Variants in CNPY2 observed in about 807,000 individuals in gnomAD.
CNPY2 encodes protein canopy homolog 2.
A neutral mutation model predicts 25.5 loss-of-function variants in CNPY2; 19 were observed. The observed-to-expected ratio is 0.74, with a 90% CI of 0.52 to 1.09. The LOEUF (loss-of-function observed/expected upper bound fraction) is 1.09. Among genes scored for constraint, CNPY2 ranks in the 50% least tolerant of loss-of-function variants. The probability of loss-of-function intolerance (pLI) is 0.00; values close to 1 mark genes in which losing one functional copy is unlikely to be tolerated. For synonymous variants in CNPY2, 82 were observed against 85.0 expected (o/e 0.96, Z 0.19); for missense variants, 214 against 233.6 (o/e 0.92, Z 0.55).
At position 56,311,126 on chromosome 12, in the gene CNPY2, G is replaced by T. The variant is rs1245463511; in HGVS notation, c.409-72C>A. The T allele has an allele frequency of 3.1e-6, 5 of 1,602,160 alleles. No individual in the cohort carries two copies. In the Admixed American group the frequency reaches 5.0e-5, roughly 16 times the overall value. ...TCTTGCCTTCACTTCCAAAGAGGAG[G>T]ACAAGGATATCAGCCTAACTTTCTA... On this transcript the variant is annotated intron_variant, in intron 4 of 5. Transcript: ENST00000273308.
At chr12:56,311,608 T>C (rs1314680445) in intron 3 of CNPY2, 194 bp from the exon 4 acceptor site, 10 of 642,854 alleles carry the variant, frequency 1.6e-5, no homozygotes, top group Non-Finnish European at 2.8e-5. Flanking sequence ...CTGGAGTGCA[T>C]TGGCGCCATC....
Position 56,310,948 on chromosome 12 carries a change from G to C in CNPY2, c.505+10C>G, listed in dbSNP as rs1873696758. 6.2e-7 allele frequency: 1 copy of C among 1,612,160 alleles called. No individual in the cohort carries two copies. Among genetic ancestry groups the C allele is most frequent in the African/African-American group, 1.3e-5 (1 of 74,962 alleles). ...CTACTAGAACAGGAGATAAAGTGGG[G>C]GCAGCTTACCTGTTCGCTTACTGCA... On this transcript the variant is annotated intron_variant, in intron 5 of 5. Coordinates refer to ENST00000273308, the MANE Select transcript of CNPY2 (RefSeq NM_014255.7).
Position 56,311,126 on chromosome 12 carries a change from G to A in CNPY2, c.409-72C>T. Reference sequence around the variant, plus strand: ...TCTTGCCTTCACTTCCAAAGAGGAGGACAAGGATATCAGCCTAACTTTCTA... The same window carrying A: ...TCTTGCCTTCACTTCCAAAGAGGAGAACAAGGATATCAGCCTAACTTTCTA... On this transcript the variant is annotated intron_variant, in intron 4 of 5. Transcript: ENST00000273308. 4 of 1,602,278 alleles carry A rather than the reference G, an allele frequency of 2.5e-6. No individual in the cohort carries two copies. In the South Asian group the frequency reaches 3.3e-5, roughly 13 times the overall value.
chr12:56,311,211 C>T lies in CNPY2; in HGVS notation c.408G>A (p.Ala136=), dbSNP rs143405766. ...DSDISGTLKF[A]CESIVEEYED... ...CCAGCTACCGATTCCCATAGCTCAC[C>T]GCAAACTTGAGGGTGCCGCTAATAT... The change falls in exon 4 of 6, where the codon GCG becomes GCA. Residue 136 remains alanine (A), a splice_region_variant and synonymous_variant. Coordinates refer to ENST00000273308, the MANE Select transcript of CNPY2 (RefSeq NM_014255.7). 7.4e-6 allele frequency: 12 copies of T among 1,613,870 alleles called. No individual in the cohort carries two copies. Among genetic ancestry groups the T allele is most frequent in the African/African-American group, 4.0e-5 (3 of 74,916 alleles).
intron 3 of CNPY2, chr12:56,314,625 C>T (rs1257697764): frequency 1.9e-5 from 27 of 1,407,088 alleles, no homozygotes; most frequent in Non-Finnish European, 2.5e-5. Context: ...GATCAGGACT[C>T]CCTGTTTGCT....
At chr12:56,314,712 T>G in intron 3 of CNPY2, 139 bp downstream of exon 3, 1 of 1,518,436 alleles carries the variant, frequency 6.6e-7, no homozygotes, top group African/African-American at 1.4e-5. Flanking sequence ...GCCTGCAGCT[T>G]CTTCCAAATG....
At position 56,309,963 on chromosome 12, in the gene CNPY2, T is replaced by G. The variant is rs1479138871; in HGVS notation, c.*589A>C. ...GTCTGTCCCTATCCGATAAAGCCCT[T>G]ACTTTTCAGCTGAGTTGGTCACATC... is the stretch of plus-strand genomic sequence containing the variant. On this transcript the variant is annotated 3_prime_UTR_variant, in exon 6 of 6. Transcript: ENST00000273308. 1 of 702,380 alleles carries G rather than the reference T, an allele frequency of 1.4e-6. No individual in the cohort carries two copies. Among genetic ancestry groups the G allele is most frequent in the East Asian group, 2.7e-5 (1 of 37,286 alleles). The allele number at this position is 702,380 out of a possible 1,614,324, so 43.5% of individuals were successfully genotyped here.
At chr12:56,314,721 T>A in intron 3 of CNPY2, 130 bp downstream of exon 3, 1 of 1,533,396 alleles carries the variant, frequency 6.5e-7, no homozygotes, top group Non-Finnish European at 8.8e-7. Context: ...TTCTTCCAAA[T>A]GAGACAGAGC....
chr12:56,314,252 C>T (rs984811204), intron 3 of CNPY2, among the ~76,000 whole-genome samples: 1 of 152,068 alleles, frequency 6.6e-6, no homozygotes, highest in Non-Finnish European at 1.5e-5. Context: ...CTTACTGCAG[C>T]CTCGACCTCC....
rs373723874 is a variant in CNPY2, at chr12:56,311,363, A to C, written c.256T>G (p.Cys86Gly). The change falls in exon 4 of 6, where the codon TGT becomes GGT. Residue 86 changes from cysteine (C) to glycine (G), a missense_variant. Physicochemically the swap from Cys to Gly is radical, Grantham distance 159. Coordinates refer to ENST00000273308, the MANE Select transcript of CNPY2 (RefSeq NM_014255.7). Reference protein sequence around the residue: ...AHLTELLEEICDRMKEYGEQI... With the variant: ...AHLTELLEEIGDRMKEYGEQI... ...TCCCCATACTCCTTCATCCGGTCAC[A>C]TATCTCCTCCAGCAGCTCTGTGAGG... 9 of 1,614,156 alleles carry C rather than the reference A, an allele frequency of 5.6e-6. No individual in the cohort carries two copies. The highest frequency in any genetic ancestry group is 5.9e-6 in the Non-Finnish European group (7 of 1,180,036).
chr12:56,313,445 G>A (rs570010466), intron 3 of CNPY2, among the ~76,000 whole-genome samples: 280 of 152,088 alleles, frequency 1.8e-3, no homozygotes, highest in Non-Finnish European at 3.4e-3. Flanking sequence ...AGCCGAGATC[G>A]TGTCATTGCA....
intron 3 of CNPY2, among the ~76,000 whole-genome samples, chr12:56,313,719 G>A (rs1171427344): frequency 6.7e-6 from 1 of 148,526 alleles, no homozygotes; most frequent in East Asian, 2.0e-4. Context: ...CATTCTTTTC[G>A]TCTCAGCCTC....
At position 56,310,191 on chromosome 12, in the gene CNPY2, C is replaced by T. The variant is rs1363481477; in HGVS notation, c.*361G>A. The T allele has an allele frequency of 3.3e-6, 2 of 604,950 alleles. No homozygotes were observed. Among genetic ancestry groups the T allele is most frequent in the Non-Finnish European group, 5.8e-6 (2 of 342,194 alleles). The allele number at this position is 604,950 out of a possible 1,614,324, so 37.5% of individuals were successfully genotyped here. A position where few individuals can be genotyped will look rare whatever the true frequency, so the allele number is the denominator to read the frequency against. On this transcript the variant is annotated 3_prime_UTR_variant, in exon 6 of 6. Transcript: ENST00000273308. Reference sequence around the variant, plus strand: ...GCTTCCTCATGGAGGTTCCTCTATTCTCCACAATTAGACTCTAAAGACGTG... The same window carrying T: ...GCTTCCTCATGGAGGTTCCTCTATTTTCCACAATTAGACTCTAAAGACGTG...
rs1294202649 is a variant in CNPY2 at position 56,315,175 on chromosome 12, G to A, written c.43C>T (p.Leu15=). Residue 15 remains leucine (L), a synonymous_variant, in exon 2 of 6, where the codon CTG becomes TTG. Coordinates refer to ENST00000273308, the MANE Select transcript of CNPY2 (RefSeq NM_014255.7). ...CTCCTCCGAGCCCAGGCGGTTCCCA[G>A]CAGGGCCCCCAGAAGCAGGGCCAGC... ...GWLALLLGAL[L]GTAWARRSQD... 1.2e-6 allele frequency: 2 copies of A among 1,614,100 alleles called. No individual in the cohort carries two copies. Among genetic ancestry groups the A allele is most frequent in the South Asian group, 2.2e-5 (2 of 91,084 alleles).
Position 56,310,265 on chromosome 12 carries a change from G to A in CNPY2, c.*287C>T. 1.7e-6 allele frequency: 1 copy of A among 596,854 alleles called. No homozygotes were observed. 37.0% of individuals were successfully genotyped at this position (596,854 alleles called of 1,614,324 possible). ...AGCTTATCTAGTTTATGAGTGGAGT[G>A]GAATCTCAGAAGGTAGAAGAATTAA... On this transcript the variant is annotated 3_prime_UTR_variant, in exon 6 of 6. Coordinates refer to ENST00000273308, the MANE Select transcript of CNPY2 (RefSeq NM_014255.7).
At chr12:56,311,437 G>T (rs1316066096) in intron 3 of CNPY2, 23 bp from the exon 4 acceptor site, 1 of 1,610,782 alleles carries the variant, frequency 6.2e-7, no homozygotes, top group South Asian at 1.1e-5. Context: ...TCAGCCTTGG[G>T]TCACTCTCTT....
At chr12:56,311,632 A>G in intron 3 of CNPY2, 1 of 542,552 alleles carries the variant, frequency 1.8e-6, no homozygotes, top group South Asian at 1.8e-5. Flanking sequence ...GCTTATTGCA[A>G]CCTCTGCCTC....
chr12:56,316,041 C>A (rs1025611069), upstream of CNPY2: 2 of 152,492 alleles, frequency 1.3e-5, no homozygotes, highest in African/African-American at 4.8e-5. Flanking sequence ...CAGCGTGCTG[C>A]GGTGCGAGCC....
chr12:56,310,581 C>A lies in CNPY2; in HGVS notation c.520G>T (p.Ala174Ser). The change falls in exon 6 of 6, where the codon GCC becomes TCC. Residue 174 changes from alanine (A) to serine (S), a missense_variant. Ala to Ser is a moderately conservative substitution (Grantham distance 99, BLOSUM62 1). Transcript: ENST00000273308. ...CSKRTDLCDH[A>S]LHISHDEL is the part of the protein sequence containing the mutation. ...AGCTCATCATGCGATATGTGCAGGG[C>A]ATGGTCACAAAGATCTGCAAATGGC... The A allele has an allele frequency of 6.2e-7, 1 of 1,614,212 alleles. No homozygotes were observed. The highest frequency in any genetic ancestry group is 8.5e-7 in the Non-Finnish European group (1 of 1,180,036).
Sources: allele counts gnomAD v4.1 joint callset (sites outside exome capture counted in the v4.1 genomes callset), GRCh38; gene constraint gnomAD v4.1.1; transcripts MANE v1.5; gene names NCBI Gene and HGNC (gene_info 2026-07-23, HGNC 2026-07-21).